Variants in PCED1B observed in about 807,000 individuals in gnomAD.
PCED1B encodes the protein PC-esterase domain-containing protein 1B.
For synonymous variants in PCED1B, 251 were observed against 246.1 expected (o/e 1.02, Z -0.19); for missense variants, 573 against 573.9 (o/e 1.00, Z 0.02).
Position 47,102,325 on chromosome 12 carries a change from T to C in PCED1B, c.-608-1788T>C, listed in dbSNP as rs367782739. On this transcript the variant is annotated intron_variant, in intron 1 of 3. Transcript: ENST00000546455. Reference sequence around the variant, plus strand: ...CAGATATCCAAAAATGTAGACATATTGTCAGGCTTTGCTACTTTTTTGCAG... The same window carrying C: ...CAGATATCCAAAAATGTAGACATATCGTCAGGCTTTGCTACTTTTTTGCAG... Among the ~76,000 whole-genome samples, 5 of 152,366 alleles carry C rather than the reference T, an allele frequency of 3.3e-5. No homozygotes were observed. The South Asian group carries it at 1.0e-3, about 32-fold the overall frequency.
At chr12:47,159,412 A>G (rs1941298490) in intron 2 of PCED1B, among the ~76,000 whole-genome samples, 1 of 151,688 alleles carries the variant, frequency 6.6e-6, no homozygotes, top group African/African-American at 2.4e-5. Context: ...AGCATTAGTT[A>G]TTTTTTGTCT....
chr12:47,220,555 G>A (rs1378766753), intron 3 of PCED1B, among the ~76,000 whole-genome samples: 1 of 152,168 alleles, frequency 6.6e-6, no homozygotes, highest in East Asian at 1.9e-4. Context: ...TCCTTCACCG[G>A]GTTGTGAGAA....
chr12:47,194,051 A>G (rs1565593957), intron 2 of PCED1B, among the ~76,000 whole-genome samples: 1 of 152,156 alleles, frequency 6.6e-6, no homozygotes, highest in Non-Finnish European at 1.5e-5. Flanking sequence ...GCCCTTGGTC[A>G]TACTGTGTTG....
intron 2 of PCED1B, among the ~76,000 whole-genome samples, chr12:47,181,591 TCCCAA>T (rs1362492156): frequency 6.6e-6 from 1 of 152,062 alleles, no homozygotes; most frequent in African/African-American, 2.4e-5. Flanking sequence ...GGTCTTGAAC[TCCCAA>T]CCTCAGGTGA....
At chr12:47,109,800 A>C (rs11183736) in intron 2 of PCED1B, among the ~76,000 whole-genome samples, 1 of 152,214 alleles carries the variant, frequency 6.6e-6, no homozygotes, top group African/African-American at 2.4e-5. Flanking sequence ...TCCTAAGGTC[A>C]GTTAAATAAG....
In PCED1B at chr12:47,236,569, C is replaced by T. The variant is rs1206693970; in HGVS notation, c.*207C>T. On this transcript the variant is annotated 3_prime_UTR_variant, in exon 4 of 4. Transcript: ENST00000546455. ...TTGGCTGCAGCCTCTTCCCCACTTC[C>T]TGGGAGTGACCCAGCGTTATTCCTG... 7.6e-5 allele frequency: 41 copies of T among 536,494 alleles called. No homozygotes were observed. The highest frequency in any genetic ancestry group is 1.2e-4 in the Non-Finnish European group (37 of 302,866). 33.2% of individuals were successfully genotyped at this position (536,494 alleles called of 1,614,324 possible).
intron 2 of PCED1B, among the ~76,000 whole-genome samples, chr12:47,165,997 TTGTCA>T (rs1941532543): frequency 6.6e-6 from 1 of 152,200 alleles, no homozygotes; most frequent in African/African-American, 2.4e-5. Context: ...ACAAATGATT[TTGTCA>T]TGCCCACTCC....
At chr12:47,227,048 A>G (rs1465896976) in intron 3 of PCED1B, among the ~76,000 whole-genome samples, 1 of 152,156 alleles carries the variant, frequency 6.6e-6, no homozygotes, top group Non-Finnish European at 1.5e-5. Flanking sequence ...TCCCAAAATG[A>G]TAGTCTTGAG....
At chr12:47,217,480 G>GA (rs149469887) in intron 3 of PCED1B, among the ~76,000 whole-genome samples, 1 of 109,756 alleles carries the variant, frequency 9.1e-6, no homozygotes, top group Non-Finnish European at 1.8e-5. Flanking sequence ...GAGAAAGAAA[G>GA]AAAGAAAGAA....
At chr12:47,209,774 T>G (rs888791022) in intron 2 of PCED1B, 2 of 152,140 alleles carry the variant, frequency 1.3e-5, no homozygotes, top group African/African-American at 4.8e-5. Flanking sequence ...TCAGAAAAAT[T>G]TTATGTGATT....
chr12:47,089,482 A>ATATATG (rs1316107988), intron 1 of PCED1B, among the ~76,000 whole-genome samples: 9 of 93,016 alleles, frequency 9.7e-5, no homozygotes, highest in Non-Finnish European at 2.0e-4. Context: ...ATATATATAT[A>ATATATG]TATATATATA....
intron 2 of PCED1B, among the ~76,000 whole-genome samples, chr12:47,196,503 C>A (rs1362944602): frequency 6.6e-6 from 1 of 152,168 alleles, no homozygotes; most frequent in Non-Finnish European, 1.5e-5. Flanking sequence ...AAGGAAGAAA[C>A]AATTTAAAAA....
intron 2 of PCED1B, among the ~76,000 whole-genome samples, chr12:47,146,797 T>C (rs1344716833): frequency 2.0e-5 from 3 of 152,202 alleles, no homozygotes; most frequent in South Asian, 2.1e-4. Context: ...ATTTGCTTTA[T>C]TGCAGTGGTC....
At chr12:47,165,169 T>C (rs1345607417) in intron 2 of PCED1B, among the ~76,000 whole-genome samples, 1 of 152,238 alleles carries the variant, frequency 6.6e-6, no homozygotes, top group African/African-American at 2.4e-5. Flanking sequence ...GTCCAAACTG[T>C]GGTTTGTAAT....
chr12:47,137,341 T>C (rs1940415778), intron 2 of PCED1B, among the ~76,000 whole-genome samples: 1 of 152,228 alleles, frequency 6.6e-6, no homozygotes. Flanking sequence ...TAGAGTGGAA[T>C]CATCAACAAA....
Position 47,235,478 on chromosome 12 carries a change from T to TACCTGGAGA in PCED1B, c.430_438dup (p.Glu144_Leu146dup), listed in dbSNP as rs751227338. The stretch of plus-strand genomic sequence containing the variant: ...GTATGGTCCGAACTCCTGGAGAAGC[T>TACCTGGAGA]ACCTGGAGAACCTGGAGAACCTGTT... On this transcript the variant is annotated inframe_insertion, in exon 4 of 4. Transcript: ENST00000546455. 3 of 1,613,770 alleles carry TACCTGGAGA rather than the reference T, an allele frequency of 1.9e-6. No individual in the cohort carries two copies. Among genetic ancestry groups the TACCTGGAGA allele is most frequent in the East Asian group, 4.5e-5 (2 of 44,876 alleles).
chr12:47,098,127 C>A (rs1160792871), intron 1 of PCED1B, among the ~76,000 whole-genome samples: 1 of 152,176 alleles, frequency 6.6e-6, no homozygotes, highest in Non-Finnish European at 1.5e-5. Flanking sequence ...TATTCACAGT[C>A]GCTGCTGGAA....
Position 47,235,318 on chromosome 12 carries a change from C to T in PCED1B, c.255C>T (p.Asp85=), listed in dbSNP as rs551816468. The change falls in exon 4 of 4, where the codon GAC becomes GAT. Residue 85 remains aspartate (D), a synonymous_variant. Coordinates refer to ENST00000546455, the MANE Select transcript of PCED1B (RefSeq NM_138371.3). Reference sequence around the variant, plus strand: ...GTGAGGTCCGCGAGTTCCGCTCCGACCACCATCTGGTACGTTTTTACTTCC... The same window carrying T: ...GTGAGGTCCGCGAGTTCCGCTCCGATCACCATCTGGTACGTTTTTACTTCC... ...NYREVREFRS[D]HHLVRFYFLT... 1.2e-6 allele frequency: 2 copies of T among 1,614,110 alleles called. No individual in the cohort carries two copies. Among genetic ancestry groups the T allele is most frequent in the African/African-American group, 1.3e-5 (1 of 75,076 alleles).
chr12:47,086,649 A>C (rs75047986), intron 1 of PCED1B, among the ~76,000 whole-genome samples: 2,507 of 152,276 alleles, frequency 0.016, 65 homozygotes, highest in African/African-American at 0.057. Flanking sequence ...ATGCATCTAG[A>C]ATTATCGTTA....
Sources: allele counts gnomAD v4.1 joint callset (sites outside exome capture counted in the v4.1 genomes callset), GRCh38; gene constraint gnomAD v4.1.1; transcripts MANE v1.5; gene names NCBI Gene and HGNC (gene_info 2026-07-23, HGNC 2026-07-21).